Variants in MYCN observed in about 807,000 individuals in gnomAD.
MYCN encodes the protein N-myc proto-oncogene protein.
Under a neutral mutation model 28.1 loss-of-function variants are expected in MYCN, and 3 were observed. That is an observed-to-expected ratio of 0.11 (90% confidence interval 0.05 to 0.28). MYCN has a LOEUF of 0.28. Ranked by LOEUF, MYCN falls within the 10% of genes least tolerant of loss-of-function variation. The probability of loss-of-function intolerance (pLI) is 1.00; values close to 1 mark genes in which losing one functional copy is unlikely to be tolerated. For synonymous variants in MYCN, 326 were observed against 288.3 expected, an observed-to-expected ratio of 1.13 and a Z score of -1.32; for missense variants, 572 against 651.4, an observed-to-expected ratio of 0.88 and a Z score of 1.33.
At position 15,946,280 on chromosome 2, in the gene MYCN, C is replaced by G; in HGVS notation, c.*183C>G. ...TGCTGGGACCTTGGAGAGCCTGCAT[C>G]CCAGGATGCTGGGTGGCCCTGCAGC... On this transcript the variant is annotated 3_prime_UTR_variant, in exon 3 of 3. Coordinates refer to ENST00000281043, the MANE Select transcript of MYCN (RefSeq NM_005378.6). 2 of 832,198 alleles carry G rather than the reference C, an allele frequency of 2.4e-6. No individual in the cohort carries two copies. Among genetic ancestry groups the G allele is most frequent in the Non-Finnish European group, 3.8e-6 (2 of 526,390 alleles). The allele number at this position is 832,198 out of a possible 1,614,324, so 51.6% of individuals were successfully genotyped here. A position where few individuals can be genotyped will look rare whatever the true frequency, so the allele number is the denominator to read the frequency against.
Position 15,946,372 on chromosome 2 carries a change from A to G in MYCN, c.*275A>G. On this transcript the variant is annotated 3_prime_UTR_variant, in exon 3 of 3. Transcript: ENST00000281043. The stretch of plus-strand genomic sequence containing the variant: ...CGGTTGGGAGCCTCTGGGGCTGTTG[A>G]AGTCACCTTGTGTGTTCCAAGTTTC... 1 of 517,294 alleles carries G rather than the reference A, an allele frequency of 1.9e-6. No homozygotes were observed. Among genetic ancestry groups the G allele is most frequent in the East Asian group, 3.4e-5 (1 of 29,678 alleles). 32.0% of individuals were successfully genotyped at this position (517,294 alleles called of 1,614,324 possible).
At position 15,943,403 on chromosome 2, in the gene MYCN, CT is replaced by C. The variant is rs111360717; in HGVS notation, c.790+564del. ...CCGATTTTCTATTCTTTTTCTTTTT[CT>C]TTTTTTTTTTTTTTCAAATGTCGGT... is the stretch of plus-strand genomic sequence containing the variant. On this transcript the variant is annotated intron_variant, in intron 2 of 2. Coordinates refer to ENST00000281043, the MANE Select transcript of MYCN (RefSeq NM_005378.6). Among the ~76,000 whole-genome samples, 643 of 138,352 alleles carry C rather than the reference CT, an allele frequency of 4.6e-3. 7 individuals carry two copies. Among genetic ancestry groups the C allele is most frequent in the Non-Finnish European group, 6.6e-3 (431 of 65,156 alleles). The allele number at this position is 138,352 out of a possible 152,430, so 90.8% of individuals were successfully genotyped here.
At position 15,942,468 on chromosome 2, in the gene MYCN, A is replaced by G; in HGVS notation, c.404A>G (p.Gln135Arg). The change falls in exon 2 of 3, where the codon CAG becomes CGG. Residue 135 changes from glutamine to arginine, a missense_variant. Transcript: ENST00000281043. The surrounding 1 kb of genome is among the most constrained non-coding windows in gnomAD (Gnocchi z 7.0). ...GAGCGCGCCGTGAGCGAGAAGCTGC[A>G]GCACGGCCGCGGGCCGCCAACCGCC... ...KLERAVSEKLQHGRGPPTAGS... is the reference protein window; with the variant it reads ...KLERAVSEKLRHGRGPPTAGS... 6.3e-7 allele frequency: 1 copy of G among 1,579,320 alleles called. No homozygotes were observed. Among genetic ancestry groups the G allele is most frequent in the Non-Finnish European group, 8.6e-7 (1 of 1,168,826 alleles).
rs1020192068 is a variant in MYCN at position 15,944,854 on chromosome 2, T to C, written c.791-639T>C. On this transcript the variant is annotated intron_variant, in intron 2 of 2. Transcript: ENST00000281043. ...AGTCTGCGGTGGAGCCAGGATTCTG[T>C]CTGACCCTAAAGGCCAAGTTCTTTA... 7.9e-5 allele frequency among the ~76,000 whole-genome samples: 12 copies of C among 152,234 alleles called. No homozygotes were observed. In the East Asian group the frequency reaches 1.7e-3, roughly 22 times the overall value.
rs748119936 is a variant in MYCN at position 15,946,331 on chromosome 2, C to T, written c.*234C>T. ...CTCCTCCACCTCACCTCCATGACAG[C>T]GCTAAACGTTGGTGACGGTTGGGAG... On this transcript the variant is annotated 3_prime_UTR_variant, in exon 3 of 3. Coordinates refer to ENST00000281043, the MANE Select transcript of MYCN (RefSeq NM_005378.6). 25 of 589,800 alleles carry T rather than the reference C, an allele frequency of 4.2e-5. No individual in the cohort carries two copies. The highest frequency in any genetic ancestry group is 4.1e-4 in the South Asian group (21 of 50,606). 36.5% of individuals were successfully genotyped at this position (589,800 alleles called of 1,614,324 possible). A position where few individuals can be genotyped will look rare whatever the true frequency, so the allele number is the denominator to read the frequency against.
At position 15,946,162 on chromosome 2, in the gene MYCN, T is replaced by C; in HGVS notation, c.*65T>C. The stretch of plus-strand genomic sequence containing the variant: ...TTTTGATTTTTTTTTTAAACAAACA[T>C]TGTGTTGACATTAAGAATGTTGGTT... On this transcript the variant is annotated 3_prime_UTR_variant, in exon 3 of 3. Coordinates refer to ENST00000281043, the MANE Select transcript of MYCN (RefSeq NM_005378.6). 1 of 1,609,728 alleles carries C rather than the reference T, an allele frequency of 6.2e-7. No individual in the cohort carries two copies. The highest frequency in any genetic ancestry group is 8.5e-7 in the Non-Finnish European group (1 of 1,177,190).
rs150742977 is a variant in MYCN at position 15,945,796 on chromosome 2, C to T, written c.1094C>T (p.Pro365Leu). 6.2e-7 allele frequency: 1 copy of T among 1,614,112 alleles called. No homozygotes were observed. The highest frequency in any genetic ancestry group is 1.3e-5 in the African/African-American group (1 of 75,054). Residue 365 changes from proline (P) to leucine (L), a missense_variant, in exon 3 of 3, where the codon CCA becomes CTA. This residue lies in a region of MYCN where 499 missense variants were observed against 524.3 expected (regional missense o/e 0.95). Coordinates refer to ENST00000281043, the MANE Select transcript of MYCN (RefSeq NM_005378.6). This position sits in a 1 kb window ranked among gnomAD's most constrained non-coding sequence, Gnocchi z 4.8. ...SPRPLKSVIP[P>L]KAKSLSPRNS... ...CGTCCGCTCAAGAGTGTCATCCCCC[C>T]AAAGGCTAAGAGCTTGAGCCCCCGA... is the stretch of plus-strand genomic sequence containing the variant.
chr2:15,940,590 C>G lies in MYCN; in HGVS notation c.-271C>G, dbSNP rs934174171. 5.0e-6 allele frequency: 2 copies of G among 400,200 alleles called. No homozygotes were observed. Among genetic ancestry groups the G allele is most frequent in the African/African-American group, 4.1e-5 (2 of 48,658 alleles). 24.8% of individuals were successfully genotyped at this position (400,200 alleles called of 1,614,324 possible). A position where few individuals can be genotyped will look rare whatever the true frequency, so the allele number is the denominator to read the frequency against. ...TCTGTCTGGACGCGCTGGGTGGATG[C>G]GGGGGGCTCCTGGGAACTGTGTTGG... On this transcript the variant is annotated 5_prime_UTR_variant, in exon 1 of 3. Transcript: ENST00000281043.
chr2:15,940,945 A>G (rs757623660), intron 1 of MYCN: 4 of 395,504 alleles, frequency 1.0e-5, no homozygotes, highest in Non-Finnish European at 1.8e-5. Context: ...GCTAGAGGAG[A>G]CCCGCCCTAA....
rs1489114838 is a variant in MYCN, at chr2:15,942,931, A to G, written c.790+77A>G. ...TCGCGTCCCCTTTGTTAGTGCTCGT[A>G]TGTCTTGGCCTGGGGAGCATTTTGG... On this transcript the variant is annotated intron_variant, in intron 2 of 2. Coordinates refer to ENST00000281043, the MANE Select transcript of MYCN (RefSeq NM_005378.6). This position sits in a 1 kb window ranked among gnomAD's most constrained non-coding sequence, Gnocchi z 7.0. 3 of 1,495,752 alleles carry G rather than the reference A, an allele frequency of 2.0e-6. No homozygotes were observed. The highest frequency in any genetic ancestry group is 1.4e-5 in the African/African-American group (1 of 71,796). The allele number at this position is 1,495,752 out of a possible 1,614,324, so 92.7% of individuals were successfully genotyped here.
rs1369798253 is a variant in MYCN, at chr2:15,945,779, C to A, written c.1077C>A (p.Leu359=). The A allele has an allele frequency of 1.2e-6, 2 of 1,614,134 alleles. No homozygotes were observed. The highest frequency in any genetic ancestry group is 3.3e-5 in the Admixed American group (2 of 60,034). Residue 359 remains leucine (L), a synonymous_variant, in exon 3 of 3, where the codon CTC becomes CTA. Coordinates refer to ENST00000281043, the MANE Select transcript of MYCN (RefSeq NM_005378.6). This position sits in a 1 kb window ranked among gnomAD's most constrained non-coding sequence, Gnocchi z 4.8. ...AGAGCGAGGCGTCCCCACGTCCGCT[C>A]AAGAGTGTCATCCCCCCAAAGGCTA... The part of the protein sequence containing the change: ...KIKSEASPRP[L]KSVIPPKAKS...
At position 15,941,753 on chromosome 2, in the gene MYCN, C is replaced by T. The variant is rs1265761325; in HGVS notation, c.-117-195C>T. On this transcript the variant is annotated intron_variant, in intron 1 of 2. Coordinates refer to ENST00000281043, the MANE Select transcript of MYCN (RefSeq NM_005378.6). This position sits in a 1 kb window ranked among gnomAD's most constrained non-coding sequence, Gnocchi z 4.8. ...CTGCATGCCCCCTCCCACCCCCTGT[C>T]GTAGACAGCTTGTACACAAAAGGAG... The T allele has an allele frequency of 5.8e-6, 3 of 512,886 alleles. No individual in the cohort carries two copies. The highest frequency in any genetic ancestry group is 3.5e-5 in the East Asian group (1 of 28,802). The allele number at this position is 512,886 out of a possible 1,614,324, so 31.8% of individuals were successfully genotyped here.
At chr2:15,943,794 T>G (rs955923837) in intron 2 of MYCN, among the ~76,000 whole-genome samples, 1 of 152,160 alleles carries the variant, frequency 6.6e-6, no homozygotes, top group Non-Finnish European at 1.5e-5. Context: ...ACTGATTAGT[T>G]CTATTGTGTT....
intron 2 of MYCN, among the ~76,000 whole-genome samples, chr2:15,944,545 T>A (rs1662809226): frequency 6.6e-6 from 1 of 152,196 alleles, no homozygotes; most frequent in Admixed American, 6.5e-5. Context: ...GTTCCTCAAG[T>A]TTGTTTAAGG....
Position 15,941,747 on chromosome 2 carries a change from C to A in MYCN, c.-117-201C>A, listed in dbSNP as rs1273102078. The A allele has an allele frequency of 4.0e-6, 2 of 496,818 alleles. No homozygotes were observed. Among genetic ancestry groups the A allele is most frequent in the African/African-American group, 3.8e-5 (2 of 52,166 alleles). The allele number at this position is 496,818 out of a possible 1,614,324, so 30.8% of individuals were successfully genotyped here. A position where few individuals can be genotyped will look rare whatever the true frequency, so the allele number is the denominator to read the frequency against. ...CTGCATCTGCATGCCCCCTCCCACC[C>A]CCTGTCGTAGACAGCTTGTACACAA... On this transcript the variant is annotated intron_variant, in intron 1 of 2. Coordinates refer to ENST00000281043, the MANE Select transcript of MYCN (RefSeq NM_005378.6). The surrounding 1 kb of genome is among the most constrained non-coding windows in gnomAD (Gnocchi z 4.8).
rs2103323935 is a variant in MYCN at position 15,942,226 on chromosome 2, G to C, written c.162G>C (p.Glu54Asp). ...GGGAGGACATCTGGAAGAAGTTTGA[G>C]CTGCTGCCCACGCCCCCGCTGTCGC... Reference protein sequence around the residue: ...PPGEDIWKKFELLPTPPLSPS... With the variant: ...PPGEDIWKKFDLLPTPPLSPS... The change falls in exon 2 of 3, where the codon GAG becomes GAC. Residue 54 changes from glutamate (E) to aspartate (D), a missense_variant. Transcript: ENST00000281043. The surrounding 1 kb of genome is among the most constrained non-coding windows in gnomAD (Gnocchi z 7.0). 6.2e-7 allele frequency: 1 copy of C among 1,613,282 alleles called. No individual in the cohort carries two copies. The highest frequency in any genetic ancestry group is 8.5e-7 in the Non-Finnish European group (1 of 1,179,972).
At position 15,941,484 on chromosome 2, in the gene MYCN, C is replaced by T. The variant is rs1662665388; in HGVS notation, c.-117-464C>T. The T allele has an allele frequency of 6.3e-6, 1 of 159,752 alleles. No individual in the cohort carries two copies. The highest frequency in any genetic ancestry group is 1.4e-5 in the Non-Finnish European group (1 of 72,608). The allele number at this position is 159,752 out of a possible 1,614,324, so 9.9% of individuals were successfully genotyped here. On this transcript the variant is annotated intron_variant, in intron 1 of 2. Transcript: ENST00000281043. This position sits in a 1 kb window ranked among gnomAD's most constrained non-coding sequence, Gnocchi z 4.8. ...TCTAAATCCCCTGCTATCATTTGCA[C>T]TCCTGAGGTTGCATTTTTACAAAGG...
Position 15,942,634 on chromosome 2 carries a change from C to T in MYCN, c.570C>T (p.Ala190=), listed in dbSNP as rs1662729907. The part of the protein sequence containing the change: ...AHPAAECVDP[A]VVFPFPVNKR... ...CGGCCGCCGAGTGCGTGGATCCCGC[C>T]GTGGTCTTCCCCTTTCCCGTGAACA... The change falls in exon 2 of 3, where the codon GCC becomes GCT. Residue 190 remains alanine, a synonymous_variant. Coordinates refer to ENST00000281043, the MANE Select transcript of MYCN (RefSeq NM_005378.6). The surrounding 1 kb of genome is among the most constrained non-coding windows in gnomAD (Gnocchi z 7.0). 1 of 1,144,414 alleles carries T rather than the reference C, an allele frequency of 8.7e-7. No homozygotes were observed. 70.9% of individuals were successfully genotyped at this position (1,144,414 alleles called of 1,614,324 possible).
chr2:15,944,326 G>A (rs1376868770), intron 2 of MYCN, among the ~76,000 whole-genome samples: 1 of 152,136 alleles, frequency 6.6e-6, no homozygotes, highest in African/African-American at 2.4e-5. Context: ...GGAGAGAGGG[G>A]AAGAATGCGC....
Sources: gnomAD v4.1 joint callset for allele counts (sites outside exome capture counted in the v4.1 genomes callset) on GRCh38, gnomAD v4.1.1 for gene constraint, gnomAD v4.1.1 regional missense constraint, Gnocchi (gnomAD v3.1) non-coding constraint, MANE v1.5 for transcripts, NCBI Gene and HGNC (gene_info 2026-07-23, HGNC 2026-07-21) for gene names.